The following HDGFL3 variants were observed in gnomAD, a reference collection of about 807,000 sequenced individuals.
HDGFL3 encodes the protein hepatoma-derived growth factor-related protein 3.
In HDGFL3, 6 loss-of-function variants were observed where a neutral mutation model predicts 27.6. That is an observed-to-expected ratio of 0.22 (90% CI 0.12 to 0.43). HDGFL3 has a LOEUF of 0.43. Ranked by LOEUF, HDGFL3 falls within the 20% of genes least tolerant of loss-of-function variation. HDGFL3 has a pLI of 1.00. For synonymous variants in HDGFL3, 88 were observed against 88.9 expected (o/e 0.99, Z 0.05); for missense variants, 207 against 250.1 (o/e 0.83, Z 1.16).
rs892263244 is a variant in HDGFL3 at position 83,138,053 on chromosome 15, A to G, written c.*1217T>C. ...AAAACCCTCACCTGCACTTGATTCT[A>G]TTGTCAGCTTGCTGTGAACAATTTT... On this transcript the variant is annotated 3_prime_UTR_variant, in exon 6 of 6. Coordinates refer to ENST00000299633, the MANE Select transcript of HDGFL3 (RefSeq NM_016073.4). 1.3e-5 allele frequency: 2 copies of G among 152,374 alleles called. No individual in the cohort carries two copies. The highest frequency in any genetic ancestry group is 2.9e-5 in the Non-Finnish European group (2 of 67,938). 9.4% of individuals were successfully genotyped at this position (152,374 alleles called of 1,614,324 possible). A position where few individuals can be genotyped will look rare whatever the true frequency, so the allele number is the denominator to read the frequency against.
intron 1 of HDGFL3, among the ~76,000 whole-genome samples, chr15:83,175,154 C>A (rs2037293317): frequency 6.6e-6 from 1 of 152,202 alleles, no homozygotes; most frequent in Admixed American, 6.5e-5. Context: ...CTCTACCATT[C>A]TCTAACACTG....
chr15:83,169,283 G>T (rs2037212899), intron 1 of HDGFL3: 22 of 419,554 alleles, frequency 5.2e-5, no homozygotes, highest in South Asian at 3.6e-4. Context: ...GCAAGAGAAA[G>T]AATTTCAAGA....
chr15:83,152,780 A>G (rs1490919010), intron 4 of HDGFL3, among the ~76,000 whole-genome samples: 1 of 152,012 alleles, frequency 6.6e-6, no homozygotes, highest in Admixed American at 6.6e-5. Flanking sequence ...TGAAACTACC[A>G]GCCAAGCCCA....
downstream of HDGFL3, among the ~76,000 whole-genome samples, chr15:83,126,469 C>G (rs2035757850): frequency 1.3e-5 from 2 of 152,150 alleles, no homozygotes; most frequent in Non-Finnish European, 2.9e-5. Flanking sequence ...TAATTTAAAG[C>G]AAGCTGTGCT....
intron 3 of HDGFL3, chr15:83,115,944 T>C (rs1336529619): frequency 6.2e-7 from 1 of 1,610,344 alleles, no homozygotes; most frequent in South Asian, 1.1e-5. Flanking sequence ...TTGAGAGAGG[T>C]ATGGGATCAC....
chr15:83,173,069 CAAAACA>C (rs1191374233), intron 1 of HDGFL3, among the ~76,000 whole-genome samples: 3 of 152,224 alleles, frequency 2.0e-5, no homozygotes, highest in East Asian at 3.9e-4. Flanking sequence ...TTTGTCGTAG[CAAAACA>C]AAACAGCCTA....
chr15:83,119,413 C>A (rs1031229553), intron 3 of HDGFL3, among the ~76,000 whole-genome samples: 3 of 152,150 alleles, frequency 2.0e-5, no homozygotes, highest in African/African-American at 7.2e-5. Context: ...GCAGCTCCAG[C>A]GTAAAGTTGT....
chr15:83,122,808 C>T (rs759611964), downstream of HDGFL3: 4 of 1,613,968 alleles, frequency 2.5e-6, no homozygotes, highest in Non-Finnish European at 3.4e-6. Flanking sequence ...ATACCATATA[C>T]TTGTCTTCCT....
At position 83,134,019 on chromosome 15, in the gene HDGFL3, CTTGT is replaced by C. The variant is rs1257331458; in HGVS notation, c.*5247_*5250del. ...ATTATGAATGTTAAAATTTTTGTGCCTTGTTTAATAATTCTGAATAAAGAGGCCT... is the reference window on the plus strand; with the variant it reads ...ATTATGAATGTTAAAATTTTTGTGCCTTAATAATTCTGAATAAAGAGGCCT... On this transcript the variant is annotated 3_prime_UTR_variant, in exon 6 of 6. Transcript: ENST00000299633. The C allele has an allele frequency of 5.3e-5, 8 of 152,092 alleles. No homozygotes were observed. Among genetic ancestry groups the C allele is most frequent in the African/African-American group, 1.4e-4 (6 of 41,404 alleles). 9.4% of individuals were successfully genotyped at this position (152,092 alleles called of 1,614,324 possible). A position where few individuals can be genotyped will look rare whatever the true frequency, so the allele number is the denominator to read the frequency against.
At chr15:83,199,827 G>C (rs2037617468) in intron 1 of HDGFL3, among the ~76,000 whole-genome samples, 1 of 151,582 alleles carries the variant, frequency 6.6e-6, no homozygotes, top group South Asian at 2.1e-4. Flanking sequence ...TGGATCACGA[G>C]GTCAGGAGTT....
rs776088047 is a variant in HDGFL3, at chr15:83,160,191, GT to G, written c.162-2151del. Among the ~76,000 whole-genome samples, 670 of 143,598 alleles carry G rather than the reference GT, an allele frequency of 4.7e-3. 3 individuals carry two copies. The highest frequency in any genetic ancestry group is 7.2e-3 in the African/African-American group (284 of 39,392). The allele number at this position is 143,598 out of a possible 152,430, so 94.2% of individuals were successfully genotyped here. A position where few individuals can be genotyped will look rare whatever the true frequency, so the allele number is the denominator to read the frequency against. On this transcript the variant is annotated intron_variant, in intron 2 of 5. Transcript: ENST00000299633. Reference sequence around the variant, plus strand: ...TAGAGGAGTTGAGGATATCTCTAAGGTTTTTTTTTTTTTTGAGACGGAGTCT... The same window carrying G: ...TAGAGGAGTTGAGGATATCTCTAAGGTTTTTTTTTTTTTGAGACGGAGTCT...
chr15:83,152,388 T>C (rs1017697421), intron 4 of HDGFL3, among the ~76,000 whole-genome samples: 1 of 152,028 alleles, frequency 6.6e-6, no homozygotes, highest in Non-Finnish European at 1.5e-5. Context: ...GGCAAAACCC[T>C]GTCTCTACTA....
At chr15:83,123,526 T>C (rs1476754631), downstream of HDGFL3, among the ~76,000 whole-genome samples, 2 of 152,268 alleles carry the variant, frequency 1.3e-5, no homozygotes, top group Non-Finnish European at 2.9e-5. Flanking sequence ...AACTGATATA[T>C]GAAAATATGA....
intron 5 of HDGFL3, among the ~76,000 whole-genome samples, chr15:83,144,287 A>G (rs2036846010): frequency 6.6e-6 from 1 of 152,198 alleles, no homozygotes; most frequent in East Asian, 1.9e-4. Flanking sequence ...TAGTTGGTTT[A>G]GGGATAGGTA....
At chr15:83,113,138 C>T in exon 4 of HDGFL3, 1 of 562,348 alleles carries the variant, frequency 1.8e-6, no homozygotes, top group South Asian at 2.0e-5. Flanking sequence ...CCAGGCAGGG[C>T]ACCCTGCCAA....
At chr15:83,196,093 A>C (rs891571959) in intron 1 of HDGFL3, among the ~76,000 whole-genome samples, 1 of 151,972 alleles carries the variant, frequency 6.6e-6, no homozygotes, top group African/African-American at 2.4e-5. Context: ...GAAATATAAT[A>C]GATATGTTAG....
intron 1 of HDGFL3, among the ~76,000 whole-genome samples, chr15:83,174,999 C>T (rs1317902660): frequency 6.6e-6 from 1 of 152,220 alleles, no homozygotes; most frequent in Non-Finnish European, 1.5e-5. Flanking sequence ...TAAAATCCAG[C>T]TTAATGACTT....
chr15:83,122,809 T>G, downstream of HDGFL3: 1 of 1,614,080 alleles, frequency 6.2e-7, no homozygotes, highest in South Asian at 1.1e-5. Flanking sequence ...TACCATATAC[T>G]TGTCTTCCTG....
chr15:83,132,444 C>CA lies in HDGFL3; in HGVS notation c.*6825dup. ...AGTTACTTCAGTCAGGTGCTGCCCT[C>CA]AGACTCTCTAACTCCCTGGCTATGT... On this transcript the variant is annotated 3_prime_UTR_variant, in exon 6 of 6. Transcript: ENST00000299633. 6.6e-6 allele frequency: 1 copy of CA among 152,234 alleles called. No individual in the cohort carries two copies. The highest frequency in any genetic ancestry group is 1.5e-5 in the Non-Finnish European group (1 of 68,062). 9.4% of individuals were successfully genotyped at this position (152,234 alleles called of 1,614,324 possible).
Sources: gnomAD v4.1 joint callset for allele counts (sites outside exome capture counted in the v4.1 genomes callset) on GRCh38, gnomAD v4.1.1 for gene constraint, MANE v1.5 for transcripts, NCBI Gene and HGNC (gene_info 2026-07-23, HGNC 2026-07-21) for gene names.